The following SH3RF1 variants were observed in gnomAD, a reference collection of about 807,000 sequenced individuals.
The protein encoded by SH3RF1 is E3 ubiquitin-protein ligase SH3RF1.
In SH3RF1, 32 loss-of-function variants were observed where a neutral mutation model predicts 74.0. The observed-to-expected ratio is 0.43, with a 90% confidence interval of 0.33 to 0.58. The LOEUF (loss-of-function observed/expected upper bound fraction) is 0.58, where lower values mean the gene tolerates loss of function less well. SH3RF1 is among the 20% of genes least tolerant of loss of function. The pLI is 0.05. For synonymous variants in SH3RF1, 396 were observed against 439.6 expected (o/e 0.90, Z 1.24); for missense variants, 954 against 1,130.9 (o/e 0.84, Z 2.24).
At chr4:169,156,251 T>TA (rs1378413686) in intron 3 of SH3RF1, among the ~76,000 whole-genome samples, 153 bp downstream of exon 3, 1 of 152,188 alleles carries the variant, frequency 6.6e-6, no homozygotes, top group Admixed American at 6.5e-5. Flanking sequence ...CCTTGTGACT[T>TA]AAAGACTGCT....
At chr4:169,261,471 G>C (rs1731277495) in intron 2 of SH3RF1, among the ~76,000 whole-genome samples, 1 of 152,082 alleles carries the variant, frequency 6.6e-6, no homozygotes, top group African/African-American at 2.4e-5. Flanking sequence ...GGAAGCATTT[G>C]GGATCAGAAA....
chr4:169,133,448 C>T (rs1733649428), intron 5 of SH3RF1, among the ~76,000 whole-genome samples: 1 of 150,402 alleles, frequency 6.6e-6, no homozygotes, highest in Non-Finnish European at 1.5e-5. Context: ...GCACTCCAGC[C>T]TGGGAGACAA....
intron 2 of SH3RF1, among the ~76,000 whole-genome samples, chr4:169,215,297 T>C (rs1386041656): frequency 1.3e-5 from 2 of 152,248 alleles, no homozygotes; most frequent in Non-Finnish European, 2.9e-5. Context: ...ATACTTAGGA[T>C]AAATTCCATT....
At position 169,122,375 on chromosome 4, in the gene SH3RF1, G is replaced by A. The variant is rs895312371; in HGVS notation, c.1180-109C>T. 13 of 1,242,084 alleles carry A rather than the reference G, an allele frequency of 1.0e-5. No individual in the cohort carries two copies. The Admixed American group carries it at 2.5e-4, about 24-fold the overall frequency. The allele number at this position is 1,242,084 out of a possible 1,614,324, so 76.9% of individuals were successfully genotyped here. A position where few individuals can be genotyped will look rare whatever the true frequency, so the allele number is the denominator to read the frequency against. ...AAAGAATTATAAATCCATAGAACAAGACTTTAATGGAATCCACACAGGGCA... is the reference window on the plus strand; with the variant it reads ...AAAGAATTATAAATCCATAGAACAAAACTTTAATGGAATCCACACAGGGCA... On this transcript the variant is annotated intron_variant, in intron 6 of 11. Coordinates refer to ENST00000284637, the MANE Select transcript of SH3RF1 (RefSeq NM_020870.4).
chr4:169,168,855 G>A (rs997341874), intron 2 of SH3RF1, among the ~76,000 whole-genome samples: 14 of 152,236 alleles, frequency 9.2e-5, no homozygotes, highest in Admixed American at 3.3e-4. Context: ...TCTTAGGGGT[G>A]GAATCTCAAT....
In SH3RF1 at chr4:169,122,270, G is replaced by A. The variant is rs1293841447; in HGVS notation, c.1180-4C>T. 5 of 1,574,976 alleles carry A rather than the reference G, an allele frequency of 3.2e-6. No homozygotes were observed. Among genetic ancestry groups the A allele is most frequent in the Non-Finnish European group, 4.3e-6 (5 of 1,158,306 alleles). The stretch of plus-strand genomic sequence containing the variant: ...GTGGAAGAGGAGGATTCAAAGTCTA[G>A]TATAGGAAAAACATAAAGAGAAAGG... On this transcript the variant is annotated splice_polypyrimidine_tract_variant and splice_region_variant and intron_variant, in intron 6 of 11. Coordinates refer to ENST00000284637, the MANE Select transcript of SH3RF1 (RefSeq NM_020870.4).
At chr4:169,158,029 G>A (rs1024565524) in intron 2 of SH3RF1, among the ~76,000 whole-genome samples, 2 of 152,168 alleles carry the variant, frequency 1.3e-5, no homozygotes, top group Non-Finnish European at 2.9e-5. Context: ...ATGAGCCATC[G>A]CACCCAGTGC....
chr4:169,100,573 C>A (rs1733003345), intron 11 of SH3RF1, among the ~76,000 whole-genome samples: 1 of 152,156 alleles, frequency 6.6e-6, no homozygotes, highest in African/African-American at 2.4e-5. Flanking sequence ...AACTCCTGAC[C>A]TGGTGATCCA....
At position 169,145,977 on chromosome 4, in the gene SH3RF1, AT is replaced by A. The variant is rs1483148294; in HGVS notation, c.766-9358del. Reference sequence around the variant, plus strand: ...ATATAAAATATTACATATTCTATATATTATTCTATATAAAATATTACATATT... The same window carrying A: ...ATATAAAATATTACATATTCTATATATATTCTATATAAAATATTACATATT... On this transcript the variant is annotated intron_variant, in intron 4 of 11. Transcript: ENST00000284637. 3.1e-5 allele frequency among the ~76,000 whole-genome samples: 2 copies of A among 65,108 alleles called. 1 individual carries two copies. The highest frequency in any genetic ancestry group is 7.2e-4 in the East Asian group (2 of 2,792). The allele number at this position is 65,108 out of a possible 152,430, so 42.7% of individuals were successfully genotyped here.
intron 2 of SH3RF1, among the ~76,000 whole-genome samples, chr4:169,233,367 T>A (rs1343426727): frequency 6.6e-6 from 1 of 151,704 alleles, no homozygotes; most frequent in African/African-American, 2.4e-5. Flanking sequence ...AGCATATATA[T>A]CATAAAATAA....
intron 2 of SH3RF1, among the ~76,000 whole-genome samples, chr4:169,259,173 A>G: frequency 6.6e-6 from 1 of 152,140 alleles, no homozygotes; most frequent in East Asian, 1.9e-4. Context: ...TTTTCTGGCA[A>G]AAAATAATAA....
Position 169,133,700 on chromosome 4 carries a change from C to T in SH3RF1, c.1068+2618G>A, listed in dbSNP as rs181548707. On this transcript the variant is annotated intron_variant, in intron 5 of 11. Coordinates refer to ENST00000284637, the MANE Select transcript of SH3RF1 (RefSeq NM_020870.4). ...GCTGAGGCAGGAGAATTGCTTGAACCCAGGAGACGGAGGTTGCAGTGAGCA... is the reference window on the plus strand; with the variant it reads ...GCTGAGGCAGGAGAATTGCTTGAACTCAGGAGACGGAGGTTGCAGTGAGCA... Among the ~76,000 whole-genome samples the T allele has an allele frequency of 1.7e-3, 255 of 152,058 alleles. 1 individual carries two copies. The highest frequency in any genetic ancestry group is 5.7e-3 in the African/African-American group (238 of 41,456).
chr4:169,177,873 C>T (rs1579121628), intron 2 of SH3RF1, among the ~76,000 whole-genome samples: 1 of 151,900 alleles, frequency 6.6e-6, no homozygotes, highest in East Asian at 1.9e-4. Context: ...TATATATGCT[C>T]ACGTTATACA....
intron 4 of SH3RF1, among the ~76,000 whole-genome samples, chr4:169,141,961 T>A (rs1220714354): frequency 1.3e-5 from 2 of 152,020 alleles, no homozygotes; most frequent in Non-Finnish European, 2.9e-5. Context: ...TACAGGTGCC[T>A]GCCACTACAC....
intron 6 of SH3RF1, among the ~76,000 whole-genome samples, chr4:169,127,136 A>ATG (rs1170063159): frequency 1.3e-5 from 2 of 152,212 alleles, no homozygotes; most frequent in Admixed American, 1.3e-4. Context: ...TAATAGTTTG[A>ATG]TGTCTGAATT....
At chr4:169,238,631 G>A (rs1730855323) in intron 2 of SH3RF1, among the ~76,000 whole-genome samples, 1 of 152,220 alleles carries the variant, frequency 6.6e-6, no homozygotes, top group African/African-American at 2.4e-5. Context: ...GACGGAGTGA[G>A]TCATTGCCTC....
chr4:169,152,183 A>G (rs1427658757), intron 4 of SH3RF1, among the ~76,000 whole-genome samples: 2 of 152,200 alleles, frequency 1.3e-5, no homozygotes, highest in Admixed American at 6.5e-5. Context: ...GGCCTGTCTA[A>G]ATTGAATAGA....
At chr4:169,109,401 C>T (rs1159241171) in intron 10 of SH3RF1, among the ~76,000 whole-genome samples, 2 of 152,180 alleles carry the variant, frequency 1.3e-5, no homozygotes, top group Non-Finnish European at 1.5e-5. Flanking sequence ...ACATTAAATA[C>T]AGCTTGCTTT....
intron 2 of SH3RF1, among the ~76,000 whole-genome samples, chr4:169,256,856 G>T (rs1405662311): frequency 6.6e-6 from 1 of 152,148 alleles, no homozygotes; most frequent in African/African-American, 2.4e-5. Context: ...TCCCACCTTG[G>T]CCTCCCAAAG....
Sources: gnomAD v4.1 joint callset for allele counts (sites outside exome capture counted in the v4.1 genomes callset) on GRCh38, gnomAD v4.1.1 for gene constraint, MANE v1.5 for transcripts, NCBI Gene and HGNC (gene_info 2026-07-23, HGNC 2026-07-21) for gene names.